The following SIGLEC1 variants were observed in gnomAD, a reference collection of about 807,000 sequenced individuals.
SIGLEC1 encodes sialoadhesin.
SIGLEC1 carries 132 observed loss-of-function variants against 148.0 expected under a neutral mutation model. That is an observed-to-expected ratio of 0.89 (90% CI 0.77 to 1.03). SIGLEC1 has a LOEUF of 1.03. SIGLEC1 is among the 50% of genes least tolerant of loss of function. The probability of loss-of-function intolerance (pLI) is 0.00; values close to 1 mark genes in which losing one functional copy is unlikely to be tolerated. For synonymous variants in SIGLEC1, 945 were observed against 969.0 expected, an observed-to-expected ratio of 0.98 and a Z score of 0.46; for missense variants, 2,253 against 2,271.4, an observed-to-expected ratio of 0.99 and a Z score of 0.16.
At position 3,707,123 on chromosome 20, in the gene SIGLEC1, G is replaced by C. The variant is rs1325208560; in HGVS notation, c.6C>G (p.Gly2=). The C allele has an allele frequency of 6.2e-7, 1 of 1,614,022 alleles. No individual in the cohort carries two copies. The highest frequency in any genetic ancestry group is 1.1e-5 in the South Asian group (1 of 91,078). M[G]FLPKLLLLAS... is the part of the protein sequence containing the mutation. The stretch of plus-strand genomic sequence containing the variant: ...CCAGGAGGAGAAGCTTGGGCAAGAA[G>C]CCCATAGCAGGTTCTTGTGCTGCTC... The change falls in exon 2 of 22, where the codon GGC becomes GGG. Residue 2 remains glycine (G), a synonymous_variant. Coordinates refer to ENST00000344754, the MANE Select transcript of SIGLEC1 (RefSeq NM_023068.4).
chr20:3,690,617 T>TCC (rs1246409116), intron 18 of SIGLEC1, among the ~76,000 whole-genome samples: 25 of 152,166 alleles, frequency 1.6e-4, no homozygotes, highest in Admixed American at 1.6e-3. Flanking sequence ...ACAGAAGAAC[T>TCC]CCCCAGCTGA....
intron 4 of SIGLEC1, 109 bp from the exon 5 acceptor site, chr20:3,704,200 A>G: frequency 2.9e-6 from 3 of 1,042,344 alleles, no homozygotes; most frequent in Non-Finnish European, 4.2e-6. Flanking sequence ...GTATGCCCAG[A>G]TAAAACAGCA....
Position 3,692,171 on chromosome 20 carries a change from G to T in SIGLEC1, c.4062C>A (p.Phe1354Leu). The T allele has an allele frequency of 1.3e-6, 2 of 1,574,988 alleles. No homozygotes were observed. Among genetic ancestry groups the T allele is most frequent in the Non-Finnish European group, 8.6e-7 (1 of 1,159,052 alleles). Residue 1354 changes from phenylalanine (F) to leucine (L), a missense_variant, in exon 17 of 22, where the codon TTC becomes TTA. By Grantham distance (22) the Phe-to-Leu change is conservative (BLOSUM62 0). Coordinates refer to ENST00000344754, the MANE Select transcript of SIGLEC1 (RefSeq NM_023068.4). ...CCATGGATCTGGCCCTGGAGTCCCG[G>T]AAGGAGGACAGGACAGCGTCCTGAG... ...YAPQDAVLSS[F>L]RDSRARSMAV... is the part of the protein sequence containing the mutation.
chr20:3,705,951 G>A lies in SIGLEC1; in HGVS notation c.499C>T (p.Leu167=), dbSNP rs1467591418. The A allele has an allele frequency of 2.5e-6, 4 of 1,614,034 alleles. No individual in the cohort carries two copies. In the Admixed American group the frequency reaches 6.7e-5, roughly 27 times the overall value. Residue 167 remains leucine (L), a synonymous_variant, in exon 4 of 22, where the codon CTG becomes TTG. Coordinates refer to ENST00000344754, the MANE Select transcript of SIGLEC1 (RefSeq NM_023068.4). ...DFNCSTPYVC[L]QEQVRLQWQG... is the part of the protein sequence containing the mutation. ...CACTGCAGTCTGACCTGCTCCTGCA[G>A]GCATACGTAGGGAGTGGAGCAGTTG...
At chr20:3,700,661 G>A (rs187949411) in intron 7 of SIGLEC1, among the ~76,000 whole-genome samples, 4 of 150,936 alleles carry the variant, frequency 2.7e-5, no homozygotes, top group East Asian at 1.9e-4. Flanking sequence ...TGCACATACC[G>A]AAAGTTGGAA....
chr20:3,702,078 C>T (rs749253464), intron 6 of SIGLEC1, among the ~76,000 whole-genome samples: 3 of 152,068 alleles, frequency 2.0e-5, no homozygotes, highest in Non-Finnish European at 2.9e-5. Context: ...TGAGGGACCT[C>T]CTCAGAACAG....
In SIGLEC1 at chr20:3,693,623, G is replaced by T. The variant is rs1167189970; in HGVS notation, c.3332C>A (p.Thr1111Asn). The T allele has an allele frequency of 1.2e-6, 2 of 1,611,970 alleles. No homozygotes were observed. The highest frequency in any genetic ancestry group is 1.7e-6 in the Non-Finnish European group (2 of 1,179,312). The change falls in exon 14 of 22, where the codon ACC becomes AAC. Residue 1111 changes from threonine to asparagine, a missense_variant. Physicochemically the swap from Thr to Asn is moderately conservative, Grantham distance 65. Transcript: ENST00000344754. ...GTAGGTGAGCTGGGCCGGGTGAGTG[G>T]TCCACACAAGGCAGGTCAGGTTCAC... ...QLVNLTCLVW[T>N]THPAQLTYTW...
rs372136056 is a variant in SIGLEC1, at chr20:3,703,272, T to A, written c.1153A>T (p.Thr385Ser). ...TGCACCTCACAGAAGTAGAAGCCAGTATCAGCCCTAGTGGCCAAGTGCAGC... is the reference window on the plus strand; with the variant it reads ...TGCACCTCACAGAAGTAGAAGCCAGAATCAGCCCTAGTGGCCAAGTGCAGC... ...LRLHLATRAD[T>S]GFYFCEVQNV... is the part of the protein sequence containing the mutation. Residue 385 changes from threonine to serine, a missense_variant, in exon 6 of 22, where the codon ACT (threonine) becomes TCT (serine). Coordinates refer to ENST00000344754, the MANE Select transcript of SIGLEC1 (RefSeq NM_023068.4). 8.7e-6 allele frequency: 14 copies of A among 1,613,998 alleles called. No homozygotes were observed. Among genetic ancestry groups the A allele is most frequent in the Non-Finnish European group, 1.2e-5 (14 of 1,180,026 alleles).
intron 2 of SIGLEC1, 46 bp downstream of exon 2, chr20:3,707,034 T>C (rs372193088): frequency 8.1e-5 from 128 of 1,589,210 alleles, no homozygotes; most frequent in Non-Finnish European, 1.1e-4. Context: ...GCTGGACTTA[T>C]GAAGGCTGGA....
intron 18 of SIGLEC1, 54 bp from the exon 19 acceptor site, chr20:3,690,318 C>T (rs2088745882): frequency 1.4e-6 from 2 of 1,420,124 alleles, no homozygotes; most frequent in Non-Finnish European, 1.9e-6. Context: ...AAATTTCTCC[C>T]TCCCTGTACC....
chr20:3,693,217 C>A, intron 14 of SIGLEC1, 86 bp from the exon 15 acceptor site: 1 of 1,416,966 alleles, frequency 7.1e-7, no homozygotes, highest in South Asian at 1.4e-5. Flanking sequence ...CTCAGGAGGG[C>A]CCTGGCTCCC....
chr20:3,693,134 G>A lies in SIGLEC1; in HGVS notation c.3509-3C>T. The A allele has an allele frequency of 1.9e-6, 3 of 1,548,216 alleles. No homozygotes were observed. The highest frequency in any genetic ancestry group is 2.6e-6 in the Non-Finnish European group (3 of 1,154,370). ...CAGGCGCAGGTTGCGGGGCGCGTCT[G>A]CAGGGCATGAGAGGCTTACACGGAG... On this transcript the variant is annotated splice_region_variant and splice_polypyrimidine_tract_variant and intron_variant, in intron 14 of 21. Coordinates refer to ENST00000344754, the MANE Select transcript of SIGLEC1 (RefSeq NM_023068.4).
chr20:3,709,731 C>T (rs1266974082), intron 1 of SIGLEC1, among the ~76,000 whole-genome samples: 4 of 152,170 alleles, frequency 2.6e-5, no homozygotes, highest in Non-Finnish European at 5.9e-5. Context: ...GAATATCAAT[C>T]GGCCATAAGG....
At chr20:3,697,544 C>T (rs959172971) in intron 9 of SIGLEC1, among the ~76,000 whole-genome samples, 2 of 152,140 alleles carry the variant, frequency 1.3e-5, no homozygotes, top group Non-Finnish European at 2.9e-5. Flanking sequence ...GGTTGCAGTA[C>T]AGGGAAGGAG....
At chr20:3,706,124 G>T in intron 3 of SIGLEC1, 84 bp from the exon 4 acceptor site, 1 of 1,442,946 alleles carries the variant, frequency 6.9e-7, no homozygotes. Context: ...TGAGGAGAGA[G>T]CCCTGGGGAG....
rs887317453 is a variant in SIGLEC1, at chr20:3,710,918, C to T, written c.-110+1552G>A. 2.0e-5 allele frequency among the ~76,000 whole-genome samples: 3 copies of T among 152,226 alleles called. No homozygotes were observed. The highest frequency in any genetic ancestry group is 7.2e-5 in the African/African-American group (3 of 41,450). On this transcript the variant is annotated intron_variant, in intron 1 of 21. Coordinates refer to ENST00000344754, the MANE Select transcript of SIGLEC1 (RefSeq NM_023068.4). The surrounding 1 kb of genome is among the most constrained non-coding windows in gnomAD (Gnocchi z 4.6). ...CTGTCACCACAAAGGCCAGCTTCAG[C>T]CCAGATAACTGTTCTGGAAACAGAA... is the stretch of plus-strand genomic sequence containing the variant.
At chr20:3,711,115 G>A (rs1371221216) in intron 1 of SIGLEC1, among the ~76,000 whole-genome samples, 2 of 152,240 alleles carry the variant, frequency 1.3e-5, no homozygotes, top group Admixed American at 1.3e-4. Context: ...AAAGGGGGCG[G>A]TGTGCCAGCA....
Position 3,697,915 on chromosome 20 carries a change from G to A in SIGLEC1, c.2005C>T (p.Pro669Ser), listed in dbSNP as rs745998527. The A allele has an allele frequency of 1.5e-5, 25 of 1,613,066 alleles. No homozygotes were observed. Among genetic ancestry groups the A allele is most frequent in the East Asian group, 2.2e-5 (1 of 44,884 alleles). Residue 669 changes from proline (P) to serine (S), a missense_variant, in exon 9 of 22, where the codon CCC becomes TCC. Pro to Ser is a moderately conservative substitution (Grantham distance 74, BLOSUM62 -1). Transcript: ENST00000344754. ...CSPRMKVTKAPNLLRVEIHNP... is the reference protein window; with the variant it reads ...CSPRMKVTKASNLLRVEIHNP... Reference sequence around the variant, plus strand: ...TGAATCTCCACACGCAGCAAGTTGGGGGCTTTGGTGACCTTCATGCGTGGG... The same window carrying A: ...TGAATCTCCACACGCAGCAAGTTGGAGGCTTTGGTGACCTTCATGCGTGGG...
chr20:3,690,934 G>A (rs2088753793), intron 18 of SIGLEC1, among the ~76,000 whole-genome samples: 1 of 149,980 alleles, frequency 6.7e-6, no homozygotes, highest in Admixed American at 6.7e-5. Context: ...AGGCTCAAGT[G>A]AGTCTCCTGC....
Sources: allele counts gnomAD v4.1 joint callset (sites outside exome capture counted in the v4.1 genomes callset), GRCh38; gene constraint gnomAD v4.1.1; non-coding constraint Gnocchi (gnomAD v3.1); transcripts MANE v1.5; gene names NCBI Gene and HGNC (gene_info 2026-07-23, HGNC 2026-07-21).